The following TCF7L2 variants were observed in gnomAD, a reference collection of about 807,000 sequenced individuals.
The protein encoded by TCF7L2 is transcription factor 7 like 2.
In TCF7L2, 23 loss-of-function variants were observed where a neutral mutation model predicts 77.9. The observed-to-expected ratio is 0.30, with a 90% CI of 0.21 to 0.42. TCF7L2 has a LOEUF of 0.42. Ranked by LOEUF, TCF7L2 falls within the 10% of genes least tolerant of loss-of-function variation. TCF7L2 has a pLI of 1.00. For missense variants in TCF7L2, 654 were observed against 793.1 expected (o/e 0.82, Z 2.11); for synonymous variants, 413 against 340.2 (o/e 1.21, Z -2.36).
At chr10:113,137,430 G>C (rs2067590785) in intron 5 of TCF7L2, among the ~76,000 whole-genome samples, 1 of 152,208 alleles carries the variant, frequency 6.6e-6, no homozygotes, top group Non-Finnish European at 1.5e-5. Context: ...CTGCGAGGTA[G>C]ACACGATTCT....
At chr10:113,059,570 C>T (rs562584077) in intron 5 of TCF7L2, among the ~76,000 whole-genome samples, 13 of 152,134 alleles carry the variant, frequency 8.5e-5, no homozygotes, top group Admixed American at 7.2e-4. Context: ...TCACGGTGGA[C>T]TGTGTTGGTG....
rs2074067335 is a variant in TCF7L2 at position 113,166,949 on chromosome 10, G to A, written c.*977G>A. 1 of 230,824 alleles carries A rather than the reference G, an allele frequency of 4.3e-6. No individual in the cohort carries two copies. The highest frequency in any genetic ancestry group is 2.2e-5 in the African/African-American group (1 of 45,156). 14.3% of individuals were successfully genotyped at this position (230,824 alleles called of 1,614,324 possible). On this transcript the variant is annotated 3_prime_UTR_variant, in exon 14 of 14. Transcript: ENST00000627217. ...AAAACAAGACTTGAAAATGAGTGAG[G>A]GAATTTTAGCGACACTGTCTGAGCA...
At chr10:113,059,784 G>C (rs1255763417) in intron 5 of TCF7L2, among the ~76,000 whole-genome samples, 1 of 152,114 alleles carries the variant, frequency 6.6e-6, no homozygotes, top group Non-Finnish European at 1.5e-5. Context: ...GGAGAAAAAA[G>C]ACAGAAAATC....
chr10:113,045,045 G>A (rs2053180488), intron 5 of TCF7L2, among the ~76,000 whole-genome samples: 2 of 152,178 alleles, frequency 1.3e-5, no homozygotes, highest in South Asian at 4.1e-4. Context: ...TCAAAGGTAG[G>A]TAGATGGAGA....
intron 4 of TCF7L2, among the ~76,000 whole-genome samples, chr10:113,034,607 C>A (rs900679585): frequency 6.6e-6 from 1 of 152,110 alleles, no homozygotes; most frequent in Admixed American, 6.5e-5. Flanking sequence ...CCAATTAATT[C>A]GATTTTTTTG....
intron 3 of TCF7L2, among the ~76,000 whole-genome samples, chr10:112,957,354 C>G (rs1362558239): frequency 1.3e-5 from 2 of 151,726 alleles, no homozygotes; most frequent in South Asian, 4.2e-4. Flanking sequence ...ACTAGTTAAA[C>G]TAGTTAACGT....
At position 113,004,822 on chromosome 10, in the gene TCF7L2, G is replaced by A. The variant is rs573643708; in HGVS notation, c.451-35203G>A. Among the ~76,000 whole-genome samples, 41 of 152,106 alleles carry A rather than the reference G, an allele frequency of 2.7e-4. No individual in the cohort carries two copies. The East Asian group carries it at 7.6e-3, about 28-fold the overall frequency. On this transcript the variant is annotated intron_variant, in intron 4 of 13. Transcript: ENST00000627217. ...TGAGTAGCTGGGATGTCAGGCACCC[G>A]CCACCATGCCCGGCTAATTTTCGTG... is the stretch of plus-strand genomic sequence containing the variant.
intron 4 of TCF7L2, among the ~76,000 whole-genome samples, chr10:113,017,329 G>A (rs187653486): frequency 1.7e-4 from 26 of 152,336 alleles, no homozygotes; most frequent in Admixed American, 1.4e-3. Flanking sequence ...GTGCTGTGTG[G>A]TTGGTAGAAG....
intron 3 of TCF7L2, among the ~76,000 whole-genome samples, chr10:112,963,090 A>G (rs905510641): frequency 2.0e-5 from 3 of 152,140 alleles, no homozygotes; most frequent in African/African-American, 7.2e-5. Context: ...GACTTACATT[A>G]TATCTATATA....
intron 5 of TCF7L2, among the ~76,000 whole-genome samples, chr10:113,116,275 T>A (rs1256362179): frequency 6.6e-6 from 1 of 152,242 alleles, no homozygotes; most frequent in Non-Finnish European, 1.5e-5. Flanking sequence ...AAATCATAGA[T>A]TTGATACTCT....
At position 113,158,023 on chromosome 10, in the gene TCF7L2, AAAG is replaced by A. The variant is rs773947352; in HGVS notation, c.1283_1285del (p.Lys428del). On this transcript the variant is annotated inframe_deletion, in exon 12 of 14. Coordinates refer to ENST00000627217, the MANE Select transcript of TCF7L2 (RefSeq NM_001146274.2). ...CTGTGTTTCATCTCTTCATCTAGGG[AAAG>A]AAGAAGAAGAGGAAAAGGGACAAGC... 2.0e-5 allele frequency: 31 copies of A among 1,589,696 alleles called. No individual in the cohort carries two copies. The highest frequency in any genetic ancestry group is 7.0e-5 in the Admixed American group (4 of 56,878).
At chr10:112,982,345 C>T (rs1030937176) in intron 4 of TCF7L2, among the ~76,000 whole-genome samples, 8 of 152,064 alleles carry the variant, frequency 5.3e-5, no homozygotes, top group African/African-American at 1.2e-4. Flanking sequence ...TGGCCTATCA[C>T]GGGGATTCAT....
chr10:112,999,642 C>T (rs1045577874), intron 4 of TCF7L2, among the ~76,000 whole-genome samples: 2 of 152,126 alleles, frequency 1.3e-5, no homozygotes, highest in African/African-American at 4.8e-5. Flanking sequence ...TTCAGTTACT[C>T]GTCACAAAAA....
At chr10:113,033,138 CTTTT>C (rs1564807314) in intron 4 of TCF7L2, among the ~76,000 whole-genome samples, 1 of 151,818 alleles carries the variant, frequency 6.6e-6, no homozygotes, top group Non-Finnish European at 1.5e-5. Context: ...AAATCTTTTT[CTTTT>C]TTATCTTTTC....
intron 4 of TCF7L2, among the ~76,000 whole-genome samples, chr10:113,031,050 G>A (rs557387542): frequency 3.3e-5 from 5 of 152,200 alleles, no homozygotes; most frequent in Admixed American, 1.3e-4. Context: ...CATTCTGCCC[G>A]TAAGCTCAGT....
At chr10:113,131,481 A>C (rs2066594071) in intron 5 of TCF7L2, among the ~76,000 whole-genome samples, 1 of 152,234 alleles carries the variant, frequency 6.6e-6, no homozygotes, top group Non-Finnish European at 1.5e-5. Context: ...TATCACACCC[A>C]GTACAGTCTC....
chr10:113,085,497 A>G (rs935889631), intron 5 of TCF7L2, among the ~76,000 whole-genome samples: 3 of 152,272 alleles, frequency 2.0e-5, no homozygotes, highest in East Asian at 1.9e-4. Context: ...TGGCAGAGCA[A>G]TTAGTATTTT....
intron 5 of TCF7L2, among the ~76,000 whole-genome samples, chr10:113,055,001 C>G (rs1474389661): frequency 2.0e-5 from 3 of 152,104 alleles, no homozygotes; most frequent in African/African-American, 7.2e-5. Context: ...CTACAGCTTT[C>G]TATTTCTGTA....
chr10:113,083,749 A>G (rs898958591), intron 5 of TCF7L2, among the ~76,000 whole-genome samples: 2 of 152,198 alleles, frequency 1.3e-5, no homozygotes, highest in Non-Finnish European at 2.9e-5. Context: ...CCAATTTTTA[A>G]AAATTGTCAG....
Sources: gnomAD v4.1 joint callset for allele counts (sites outside exome capture counted in the v4.1 genomes callset) on GRCh38, gnomAD v4.1.1 for gene constraint, MANE v1.5 for transcripts, NCBI Gene and HGNC (gene_info 2026-07-23, HGNC 2026-07-21) for gene names.